SFXN5: variants seen among roughly 807,000 people sequenced by gnomAD.
SFXN5 encodes the protein sideroflexin 5.
In SFXN5, 43 loss-of-function variants were observed where a neutral mutation model predicts 50.2. That is an observed-to-expected ratio of 0.86 (90% CI 0.67 to 1.11). SFXN5 has a LOEUF of 1.11. Among genes scored for constraint, SFXN5 ranks in the 50% least tolerant of loss-of-function variants. The pLI is 0.00. For synonymous variants in SFXN5, 203 were observed against 185.8 expected, an observed-to-expected ratio of 1.09 and a Z score of -0.75; for missense variants, 463 against 454.1, an observed-to-expected ratio of 1.02 and a Z score of -0.18.
chr2:73,018,312 A>C (rs570158850), intron 6 of SFXN5, among the ~76,000 whole-genome samples: 1 of 152,142 alleles, frequency 6.6e-6, no homozygotes, highest in African/African-American at 2.4e-5. Context: ...TGAACCTAGA[A>C]TATCCTGTTG....
chr2:72,952,176 T>C (rs578113130), intron 13 of SFXN5, among the ~76,000 whole-genome samples: 1 of 152,332 alleles, frequency 6.6e-6, no homozygotes, highest in Middle Eastern at 3.4e-3. Flanking sequence ...TGGGACTTTT[T>C]CCAGCTTCTT....
intron 2 of SFXN5, among the ~76,000 whole-genome samples, chr2:73,054,458 G>C (rs1327924329): frequency 2.0e-5 from 3 of 152,112 alleles, no homozygotes; most frequent in Non-Finnish European, 1.5e-5. Context: ...CTTTCAAAAT[G>C]CAAGAGTTGA....
In SFXN5 at chr2:73,026,068, C is replaced by A. The variant is rs115852173; in HGVS notation, c.250-2854G>T. Among the ~76,000 whole-genome samples, 419 of 152,132 alleles carry A rather than the reference C, an allele frequency of 2.8e-3. 1 individual carries two copies. Among genetic ancestry groups the A allele is most frequent in the African/African-American group, 9.6e-3 (398 of 41,466 alleles). On this transcript the variant is annotated intron_variant, in intron 3 of 13. Transcript: ENST00000272433. The stretch of plus-strand genomic sequence containing the variant: ...CAAGAGGGCTGGATTCGTGGACAGG[C>A]CATCAGCGCAATGCTGAGAAGGAGG...
At chr2:73,061,676 T>C (rs989636013) in intron 1 of SFXN5, among the ~76,000 whole-genome samples, 4 of 152,336 alleles carry the variant, frequency 2.6e-5, no homozygotes, top group African/African-American at 7.2e-5. Context: ...GATGAAAATA[T>C]ACTAAAATGC....
At chr2:72,959,196 T>C (rs1465992879) in intron 13 of SFXN5, among the ~76,000 whole-genome samples, 1 of 152,148 alleles carries the variant, frequency 6.6e-6, no homozygotes, top group African/African-American at 2.4e-5. Context: ...TCTTGTGAGC[T>C]CAATGCAGAC....
intron 6 of SFXN5, chr2:73,019,467 T>C (rs6717553): frequency 0.27 from 39,951 of 148,294 alleles, 5,822 homozygotes; most frequent in East Asian, 0.51. Context: ...CTCGCTCTGT[T>C]GCCCAGCCTG....
intron 12 of SFXN5, among the ~76,000 whole-genome samples, chr2:72,965,230 C>T (rs894876210): frequency 1.6e-4 from 24 of 152,292 alleles, no homozygotes; most frequent in Middle Eastern, 3.4e-3. Context: ...GCCGGCAGGC[C>T]ACCCACGGGC....
intron 13 of SFXN5, among the ~76,000 whole-genome samples, chr2:72,947,455 T>C (rs980969906): frequency 1.3e-5 from 2 of 152,196 alleles, no homozygotes; most frequent in Admixed American, 1.3e-4. Context: ...CGCCGGACAT[T>C]TGCCCTGGAC....
intron 2 of SFXN5, among the ~76,000 whole-genome samples, chr2:73,043,569 A>T (rs1463132903): frequency 6.6e-6 from 1 of 152,166 alleles, no homozygotes; most frequent in Non-Finnish European, 1.5e-5. Context: ...TCTTACTTGG[A>T]ATGGCCTGAA....
intron 2 of SFXN5, among the ~76,000 whole-genome samples, chr2:73,050,128 C>A (rs570740928): frequency 1.4e-4 from 22 of 152,272 alleles, no homozygotes; most frequent in East Asian, 9.7e-4. Flanking sequence ...ACAGCCCCAC[C>A]CCCATGGCTT....
chr2:73,047,389 A>G (rs766111826), intron 2 of SFXN5, among the ~76,000 whole-genome samples: 33 of 145,614 alleles, frequency 2.3e-4, no homozygotes, highest in Non-Finnish European at 2.3e-4. Flanking sequence ...ATACATGTAT[A>G]TGTGTGTGTG....
chr2:73,011,983 C>G (rs1675558395), intron 6 of SFXN5, among the ~76,000 whole-genome samples: 1 of 152,284 alleles, frequency 6.6e-6, no homozygotes, highest in South Asian at 2.1e-4. Context: ...AACCTCAACC[C>G]ATCACACTGG....
rs552060424 is a variant in SFXN5, at chr2:72,965,075, T to C, written c.827+3373A>G. 5.9e-5 allele frequency among the ~76,000 whole-genome samples: 9 copies of C among 152,270 alleles called. No individual in the cohort carries two copies. The South Asian group carries it at 1.7e-3, about 28-fold the overall frequency. ...TGGCCTGCCACACCCCCTGATCCTGTACCTAAAAATCCCTGAGACCCTAGC... is the reference window on the plus strand; with the variant it reads ...TGGCCTGCCACACCCCCTGATCCTGCACCTAAAAATCCCTGAGACCCTAGC... On this transcript the variant is annotated intron_variant, in intron 12 of 13. Coordinates refer to ENST00000272433, the MANE Select transcript of SFXN5 (RefSeq NM_144579.3).
intron 3 of SFXN5, among the ~76,000 whole-genome samples, chr2:73,033,946 C>A (rs62147733): frequency 0.15 from 22,695 of 152,102 alleles, 1,989 homozygotes; most frequent in East Asian, 0.36. Context: ...CACTGGACAG[C>A]CCTCGCAAAA....
chr2:73,068,119 CA>C (rs1683303658), intron 1 of SFXN5, among the ~76,000 whole-genome samples: 1 of 152,154 alleles, frequency 6.6e-6, no homozygotes, highest in African/African-American at 2.4e-5. Flanking sequence ...CACAGGGAGA[CA>C]CTTGAGGGAA....
chr2:72,958,623 G>A (rs1373791274), intron 13 of SFXN5, among the ~76,000 whole-genome samples: 2 of 152,266 alleles, frequency 1.3e-5, no homozygotes, highest in East Asian at 1.9e-4. Flanking sequence ...CCTGGGCTCA[G>A]GCTGATTGCA....
chr2:73,044,464 G>C (rs1313866888), intron 2 of SFXN5: 1 of 152,476 alleles, frequency 6.6e-6, no homozygotes, highest in African/African-American at 2.4e-5. Flanking sequence ...TCTAGTGGCT[G>C]GTGTCCCCAC....
intron 12 of SFXN5, among the ~76,000 whole-genome samples, chr2:72,966,483 T>A (rs1170644788): frequency 1.3e-5 from 2 of 152,176 alleles, no homozygotes; most frequent in African/African-American, 4.8e-5. Context: ...CTGCCCTGTT[T>A]ATTTTTGTCT....
At chr2:72,971,929 G>A (rs1367111256) in intron 10 of SFXN5, among the ~76,000 whole-genome samples, 2 of 152,188 alleles carry the variant, frequency 1.3e-5, no homozygotes, top group East Asian at 1.9e-4. Flanking sequence ...CACCCGTTCT[G>A]GCCTCAGAGA....
Sources: allele counts gnomAD v4.1 joint callset (sites outside exome capture counted in the v4.1 genomes callset), GRCh38; gene constraint gnomAD v4.1.1; transcripts MANE v1.5; gene names NCBI Gene and HGNC (gene_info 2026-07-23, HGNC 2026-07-21).